TCERG1L: variants seen among roughly 807,000 people sequenced by gnomAD.
TCERG1L encodes transcription elongation regulator 1 like.
In TCERG1L, 37 loss-of-function variants were observed where a neutral mutation model predicts 56.3. The ratio of observed to expected loss-of-function variants is 0.66; its 90% CI spans 0.51 to 0.87. The LOEUF is 0.87. Ranked by LOEUF, TCERG1L falls within the 40% of genes least tolerant of loss-of-function variation. The pLI is 0.00. For missense variants in TCERG1L, 799 were observed against 774.2 expected, an observed-to-expected ratio of 1.03 and a Z score of -0.38; for synonymous variants, 324 against 326.3, an observed-to-expected ratio of 0.99 and a Z score of 0.08.
intron 3 of TCERG1L, among the ~76,000 whole-genome samples, chr10:131,285,547 AAAGG>A (rs1438807623): frequency 2.8e-5 from 4 of 141,700 alleles, no homozygotes; most frequent in Admixed American, 7.1e-5. Flanking sequence ...GAAAAGAAAG[AAAGG>A]AAGGAAGAAA....
At chr10:131,298,464 A>G (rs1029791946) in intron 3 of TCERG1L, among the ~76,000 whole-genome samples, 5 of 152,064 alleles carry the variant, frequency 3.3e-5, no homozygotes, top group African/African-American at 1.2e-4. Context: ...CCCAGGCTGG[A>G]GTACAGTGGC....
chr10:131,206,419 C>T (rs916782422), intron 4 of TCERG1L, among the ~76,000 whole-genome samples: 2 of 152,214 alleles, frequency 1.3e-5, no homozygotes, highest in South Asian at 2.1e-4. Context: ...GAAGAATCCA[C>T]CTGCCTCACC....
In TCERG1L at chr10:131,116,919, C is replaced by T; in HGVS notation, c.1275G>A (p.Gly425=). ...TCTTTGCCTCCTCTGGCTTGGGACT[C>T]CCGCAGCCTTCGGTCCTTCAGGAAC... ...KTKRNRTEGC[G]SPKPEEAKRE... is the part of the protein sequence containing the mutation. The change falls in exon 9 of 12, where the codon GGG becomes GGA. Residue 425 remains glycine, a synonymous_variant. Transcript: ENST00000368642. The T allele has an allele frequency of 1.2e-6, 2 of 1,608,160 alleles. No individual in the cohort carries two copies. Among genetic ancestry groups the T allele is most frequent in the South Asian group, 1.1e-5 (1 of 89,456 alleles).
intron 3 of TCERG1L, among the ~76,000 whole-genome samples, chr10:131,307,192 C>T (rs371465406): frequency 2.6e-5 from 4 of 152,176 alleles, no homozygotes; most frequent in African/African-American, 9.6e-5. Context: ...ATGTACCATG[C>T]TCACTCAGAT....
chr10:131,292,054 CA>C (rs1188947135), intron 3 of TCERG1L, among the ~76,000 whole-genome samples: 4 of 152,144 alleles, frequency 2.6e-5, no homozygotes, highest in Non-Finnish European at 5.9e-5. Flanking sequence ...CTCCAGTTCT[CA>C]AAATGTAAAA....
intron 3 of TCERG1L, among the ~76,000 whole-genome samples, chr10:131,301,266 G>C (rs944605081): frequency 3.3e-5 from 5 of 151,930 alleles, no homozygotes; most frequent in Non-Finnish European, 7.4e-5. Context: ...GATTTTTAAA[G>C]GCTTTATACT....
chr10:131,235,706 T>G (rs962978559), intron 4 of TCERG1L, among the ~76,000 whole-genome samples: 1 of 152,172 alleles, frequency 6.6e-6, no homozygotes, highest in East Asian at 1.9e-4. Flanking sequence ...ACCCTGTTCA[T>G]GCAAACCAAC....
intron 3 of TCERG1L, among the ~76,000 whole-genome samples, chr10:131,276,581 G>A (rs2133558300): frequency 6.6e-6 from 1 of 152,280 alleles, no homozygotes; most frequent in South Asian, 2.1e-4. Flanking sequence ...CTCTCTCTTT[G>A]GAGATGCATT....
At chr10:131,272,783 G>A (rs376471420) in intron 3 of TCERG1L, among the ~76,000 whole-genome samples, 4 of 152,148 alleles carry the variant, frequency 2.6e-5, no homozygotes, top group African/African-American at 4.8e-5. Flanking sequence ...CCACCCTGCC[G>A]GGATGTGGAG....
Position 131,296,111 on chromosome 10 carries a change from A to T in TCERG1L, c.670+12100T>A, listed in dbSNP as rs1040672032. 2.0e-5 allele frequency among the ~76,000 whole-genome samples: 3 copies of T among 151,950 alleles called. No individual in the cohort carries two copies. In the South Asian group the frequency reaches 6.2e-4, roughly 31 times the overall value. On this transcript the variant is annotated intron_variant, in intron 3 of 11. Transcript: ENST00000368642. ...ATTTCAAAGACCAACAGCTTTTTTT[A>T]AATTTTGATGTTCAAGTCATCAATG...
chr10:131,309,172 T>C lies in TCERG1L; in HGVS notation c.470A>G (p.Lys157Arg), dbSNP rs1846849264. The C allele has an allele frequency of 1.2e-6, 2 of 1,609,408 alleles. No individual in the cohort carries two copies. The highest frequency in any genetic ancestry group is 1.1e-5 in the South Asian group (1 of 90,606). Reference protein sequence around the residue: ...ATPIGKSWIDKRIPNCKIFFN... With the variant: ...ATPIGKSWIDRRIPNCKIFFN... ...TTTTACCTTACAGTTAGGAATCCTT[T>C]TGTCTATCCAACTTTTCCCAATAGG... is the stretch of plus-strand genomic sequence containing the variant. The change falls in exon 2 of 12, where the codon AAA (lysine) becomes AGA (arginine). Residue 157 changes from lysine to arginine, a missense_variant. By Grantham distance (26) the Lys-to-Arg change is conservative (BLOSUM62 2). Transcript: ENST00000368642.
At position 131,244,959 on chromosome 10, in the gene TCERG1L, C is replaced by T. The variant is rs1039895603; in HGVS notation, c.856+15300G>A. Reference sequence around the variant, plus strand: ...CCAGGACACTGGGGAACAGGAAGAGCATCAGTAACATAGGCAGATGCTGCA... The same window carrying T: ...CCAGGACACTGGGGAACAGGAAGAGTATCAGTAACATAGGCAGATGCTGCA... On this transcript the variant is annotated intron_variant, in intron 4 of 11. Transcript: ENST00000368642. Among the ~76,000 whole-genome samples the T allele has an allele frequency of 2.0e-5, 3 of 152,288 alleles. No homozygotes were observed. In the East Asian group the frequency reaches 5.8e-4, roughly 29 times the overall value.
intron 9 of TCERG1L, among the ~76,000 whole-genome samples, chr10:131,116,130 T>G (rs1489666254): frequency 6.6e-6 from 1 of 152,206 alleles, no homozygotes; most frequent in African/African-American, 2.4e-5. Flanking sequence ...TGGCTCATTT[T>G]ATACCCAAAG....
At chr10:131,121,362 T>C (rs1020020623) in intron 8 of TCERG1L, among the ~76,000 whole-genome samples, 1 of 152,206 alleles carries the variant, frequency 6.6e-6, no homozygotes, top group African/African-American at 2.4e-5. Flanking sequence ...CTCTGGACCT[T>C]ACTCATGGTA....
rs1589727907 is a variant in TCERG1L, at chr10:131,146,386, G to A, written c.1189+120C>T. ...TACTAAACTCTGCAATCGGGCACAG[G>A]ATTCCTTAATAGTCAATTTTCAACA... On this transcript the variant is annotated intron_variant, in intron 7 of 11. Transcript: ENST00000368642. 1.3e-5 allele frequency: 15 copies of A among 1,161,974 alleles called. 1 individual carries two copies. The East Asian group carries it at 3.7e-4, about 29-fold the overall frequency. 72.0% of individuals were successfully genotyped at this position (1,161,974 alleles called of 1,614,324 possible).
At chr10:131,095,004 C>A (rs1289194349) in intron 11 of TCERG1L, among the ~76,000 whole-genome samples, 1 of 152,252 alleles carries the variant, frequency 6.6e-6, no homozygotes, top group Admixed American at 6.5e-5. Context: ...TGCCAAGGGG[C>A]AGCAACCGGC....
chr10:131,234,748 G>A (rs1009877878), intron 4 of TCERG1L, among the ~76,000 whole-genome samples: 1 of 152,182 alleles, frequency 6.6e-6, no homozygotes, highest in Non-Finnish European at 1.5e-5. Context: ...TCTATCACCA[G>A]GCTGGAGACC....
At chr10:131,135,573 G>A (rs1251234531) in intron 7 of TCERG1L, among the ~76,000 whole-genome samples, 1 of 152,064 alleles carries the variant, frequency 6.6e-6, no homozygotes, top group Non-Finnish European at 1.5e-5. Flanking sequence ...GTGCAGCGTG[G>A]GGCCCTTGGT....
At position 131,107,372 on chromosome 10, in the gene TCERG1L, C is replaced by T. The variant is rs533952527; in HGVS notation, c.1396-3018G>A. Among the ~76,000 whole-genome samples, 12 of 152,184 alleles carry T rather than the reference C, an allele frequency of 7.9e-5. No individual in the cohort carries two copies. The South Asian group carries it at 1.5e-3, about 18-fold the overall frequency. On this transcript the variant is annotated intron_variant, in intron 9 of 11. Transcript: ENST00000368642. The stretch of plus-strand genomic sequence containing the variant: ...ATGAATGATGTGTAGTTTTTGCCCC[C>T]GAAGGGATTTATAATCTCTATAGAA...
Sources: allele counts gnomAD v4.1 joint callset (sites outside exome capture counted in the v4.1 genomes callset), GRCh38; gene constraint gnomAD v4.1.1; transcripts MANE v1.5; gene names NCBI Gene and HGNC (gene_info 2026-07-23, HGNC 2026-07-21).